HIF3A: variants seen among roughly 807,000 people sequenced by gnomAD.
HIF3A encodes the protein hypoxia inducible factor 3 subunit alpha, also known as hypoxia-inducible factor 3-alpha.
In HIF3A, 41 loss-of-function variants were observed where a neutral mutation model predicts 67.2. That is an observed-to-expected ratio of 0.61 (90% CI 0.48 to 0.79). The LOEUF is 0.79. Ranked by LOEUF, HIF3A falls within the 30% of genes least tolerant of loss-of-function variation. The pLI, the probability that HIF3A is intolerant of heterozygous loss-of-function variation, is 0.00. For synonymous variants in HIF3A, 356 were observed against 374.8 expected, an observed-to-expected ratio of 0.95 and a Z score of 0.58; for missense variants, 855 against 898.0, an observed-to-expected ratio of 0.95 and a Z score of 0.61.
intron 14 of HIF3A, among the ~76,000 whole-genome samples, chr19:46,335,245 C>G (rs1489336787): frequency 7.4e-6 from 1 of 134,692 alleles, no homozygotes; most frequent in African/African-American, 3.2e-5. Context: ...CGCCTATGAT[C>G]ACATTTATTT....
In HIF3A at chr19:46,341,531, A is replaced by T. The variant is rs142906272; in HGVS notation, c.*1909A>T. On this transcript the variant is annotated 3_prime_UTR_variant, in exon 15 of 15. Transcript: ENST00000377670. ...CTAAATCACTTTTGTTTTAGACCTT[A>T]TGAGGCTCAGCTTATTCTTCTGCAG... is the stretch of plus-strand genomic sequence containing the variant. 1 of 152,006 alleles carries T rather than the reference A, an allele frequency of 6.6e-6. No homozygotes were observed. The highest frequency in any genetic ancestry group is 2.4e-5 in the African/African-American group (1 of 41,468). The allele number at this position is 152,006 out of a possible 1,614,324, so 9.4% of individuals were successfully genotyped here.
Position 46,341,019 on chromosome 19 carries a change from T to C in HIF3A, c.*1397T>C, listed in dbSNP as rs944502643. ...CTAACTTCCTCTGGTTCTAGACCTCTTCCTATAAATTAATCCCTCTTGTTT... is the reference window on the plus strand; with the variant it reads ...CTAACTTCCTCTGGTTCTAGACCTCCTCCTATAAATTAATCCCTCTTGTTT... On this transcript the variant is annotated 3_prime_UTR_variant, in exon 15 of 15. Transcript: ENST00000377670. 5 of 152,156 alleles carry C rather than the reference T, an allele frequency of 3.3e-5. No homozygotes were observed. Among genetic ancestry groups the C allele is most frequent in the African/African-American group, 1.2e-4 (5 of 41,428 alleles). 9.4% of individuals were successfully genotyped at this position (152,156 alleles called of 1,614,324 possible). A position where few individuals can be genotyped will look rare whatever the true frequency, so the allele number is the denominator to read the frequency against.
chr19:46,332,875 G>A (rs552964015), intron 13 of HIF3A, among the ~76,000 whole-genome samples: 30 of 151,804 alleles, frequency 2.0e-4, no homozygotes, highest in African/African-American at 6.8e-4. Context: ...CCAGCTACTC[G>A]GAAGGCTAAG....
chr19:46,311,655 G>A (rs1969433418), intron 6 of HIF3A, among the ~76,000 whole-genome samples: 2 of 152,056 alleles, frequency 1.3e-5, no homozygotes, highest in African/African-American at 4.8e-5. Flanking sequence ...GAGCCTGGGA[G>A]TTCAAGACCA....
At chr19:46,338,461 C>A (rs1971786747) in intron 14 of HIF3A, 1 of 1,083,072 alleles carries the variant, frequency 9.2e-7, no homozygotes, top group Non-Finnish European at 1.2e-6. Context: ...CCTTGGCCTC[C>A]CAAAGTGCTG....
intron 8 of HIF3A, 131 bp downstream of exon 8, chr19:46,312,784 G>A (rs1969566178): frequency 1.4e-6 from 2 of 1,432,118 alleles, no homozygotes; most frequent in Non-Finnish European, 1.8e-6. Context: ...GTGAGGGAGT[G>A]TGCACGTGTA....
chr19:46,326,998 A>G (rs1970831543), intron 11 of HIF3A, among the ~76,000 whole-genome samples: 2 of 152,088 alleles, frequency 1.3e-5, no homozygotes, highest in Admixed American at 1.3e-4. Flanking sequence ...CTAAAAATAA[A>G]AATAAAATTA....
intron 2 of HIF3A, 139 bp downstream of exon 2, chr19:46,304,227 C>T: frequency 1.4e-6 from 1 of 709,934 alleles, no homozygotes; most frequent in South Asian, 1.9e-5. Flanking sequence ...TCGGCGGAGC[C>T]CCACCCCCCT....
At chr19:46,309,471 A>ATC (rs201943104) in intron 6 of HIF3A, 112 bp downstream of exon 6, 4 of 633,372 alleles carry the variant, frequency 6.3e-6, no homozygotes, top group South Asian at 6.0e-5. Context: ...CACTTCATCC[A>ATC]TCTCTCTCTC....
Position 46,297,109 on chromosome 19 carries a change from A to G in HIF3A, c.26+7A>G. On this transcript the variant is annotated splice_region_variant and intron_variant, in intron 1 of 14. Coordinates refer to ENST00000377670, the MANE Select transcript of HIF3A (RefSeq NM_152795.4). This position sits in a 1 kb window ranked among gnomAD's most constrained non-coding sequence, Gnocchi z 4.5. ...TGGGGCTGCAGCGCGCAAGGTACTG[A>G]AGTTCGGGGGCAGGAGTTCTGGGAA... 8.1e-7 allele frequency: 1 copy of G among 1,238,994 alleles called. No individual in the cohort carries two copies. Among genetic ancestry groups the G allele is most frequent in the Non-Finnish European group, 1.0e-6 (1 of 974,896 alleles). The allele number at this position is 1,238,994 out of a possible 1,614,324, so 76.8% of individuals were successfully genotyped here.
chr19:46,314,783 T>C (rs1969783450), intron 8 of HIF3A, among the ~76,000 whole-genome samples: 1 of 146,630 alleles, frequency 6.8e-6, no homozygotes, highest in African/African-American at 2.5e-5. Context: ...GGTCTCGAAC[T>C]CCTGACCTCA....
Position 46,305,384 on chromosome 19 carries a change from C to T in HIF3A, c.357C>T (p.Leu119=), listed in dbSNP as rs749901851. Residue 119 remains leucine, a synonymous_variant, in exon 3 of 15, where the codon CTC becomes CTT. Transcript: ENST00000377670. ...LSENVSKHLG[L]SQLELIGHSI... is the part of the protein sequence containing the mutation. ...AGAATGTCAGCAAACACCTGGGCCT[C>T]AGTCAGGTGAGAGGAGCTCCTTGCT... The T allele has an allele frequency of 1.2e-6, 2 of 1,613,874 alleles. No homozygotes were observed. The highest frequency in any genetic ancestry group is 2.2e-5 in the South Asian group (2 of 91,078).
chr19:46,309,120 C>G, intron 5 of HIF3A, 31 bp from the exon 6 acceptor site: 1 of 1,587,882 alleles, frequency 6.3e-7, no homozygotes, highest in Non-Finnish European at 8.6e-7. Context: ...CCAGAGGCAC[C>G]ACTGCCTTGT....
Position 46,340,449 on chromosome 19 carries a change from CCTT to C in HIF3A, c.*838_*840del, listed in dbSNP as rs940416630. On this transcript the variant is annotated 3_prime_UTR_variant, in exon 15 of 15. Coordinates refer to ENST00000377670, the MANE Select transcript of HIF3A (RefSeq NM_152795.4). Reference sequence around the variant, plus strand: ...CTCCAATGTGGTCTGCTTTAGATCACCTTCTTCTTCTTCCTTCTTCCTCTTCCT... The same window carrying C: ...CTCCAATGTGGTCTGCTTTAGATCACCTTCTTCTTCCTTCTTCCTCTTCCT... 1.4e-4 allele frequency: 22 copies of C among 154,798 alleles called. No homozygotes were observed. Among genetic ancestry groups the C allele is most frequent in the East Asian group, 3.8e-4 (2 of 5,246 alleles). The allele number at this position is 154,798 out of a possible 1,614,324, so 9.6% of individuals were successfully genotyped here.
intron 8 of HIF3A, chr19:46,320,236 A>AT (rs1388698272): frequency 1.9e-6 from 1 of 520,286 alleles, no homozygotes; most frequent in African/African-American, 1.9e-5. Context: ...TCTTAAAAAA[A>AT]TAAAATGCTG....
In HIF3A at chr19:46,303,881, G is replaced by A. The variant is rs749293528; in HGVS notation, c.27-17G>A. 1.9e-6 allele frequency: 3 copies of A among 1,603,978 alleles called. No homozygotes were observed. In the South Asian group the frequency reaches 3.4e-5, roughly 18 times the overall value. Reference sequence around the variant, plus strand: ...CTTTCCCGAGTCACCACCAGTGAATGCTGCCCATGCCCTCAGGTCGACCAC... The same window carrying A: ...CTTTCCCGAGTCACCACCAGTGAATACTGCCCATGCCCTCAGGTCGACCAC... On this transcript the variant is annotated splice_polypyrimidine_tract_variant and intron_variant, in intron 1 of 14. Coordinates refer to ENST00000377670, the MANE Select transcript of HIF3A (RefSeq NM_152795.4).
chr19:46,310,776 A>C (rs144932446), intron 6 of HIF3A: 1 of 311,668 alleles, frequency 3.2e-6, no homozygotes, highest in East Asian at 1.2e-4. Flanking sequence ...GTTGAGGTGG[A>C]GTCTTGCTCT....
chr19:46,308,490 G>C lies in HIF3A; in HGVS notation c.449-173G>C, dbSNP rs374632844. ...CCCTGGGGGGGTCTGAGGGGACACAGCCCTGCCCTGGGGGGTCCAAGGGGA... is the reference window on the plus strand; with the variant it reads ...CCCTGGGGGGGTCTGAGGGGACACACCCCTGCCCTGGGGGGTCCAAGGGGA... On this transcript the variant is annotated intron_variant, in intron 4 of 14. Transcript: ENST00000377670. 1.2e-4 allele frequency: 75 copies of C among 630,530 alleles called. No individual in the cohort carries two copies. In the African/African-American group the frequency reaches 1.3e-3, roughly 11 times the overall value. 39.1% of individuals were successfully genotyped at this position (630,530 alleles called of 1,614,324 possible).
intron 2 of HIF3A, 152 bp from the exon 3 acceptor site, chr19:46,305,093 A>C: frequency 9.3e-7 from 1 of 1,079,658 alleles, no homozygotes; most frequent in African/African-American, 1.5e-5. Context: ...TTCCTTGGGA[A>C]TCCAGGCCAC....
Sources: allele counts gnomAD v4.1 joint callset (sites outside exome capture counted in the v4.1 genomes callset), GRCh38; gene constraint gnomAD v4.1.1; non-coding constraint Gnocchi (gnomAD v3.1); transcripts MANE v1.5; gene names NCBI Gene and HGNC (gene_info 2026-07-23, HGNC 2026-07-21).